The following ZZZ3 variants were observed in gnomAD, a reference collection of about 807,000 sequenced individuals.
ZZZ3 encodes the protein zinc finger ZZ-type containing 3.
ZZZ3 carries 22 observed loss-of-function variants against 95.2 expected under a neutral mutation model. The observed-to-expected ratio is 0.23, with a 90% CI of 0.17 to 0.33. The LOEUF (loss-of-function observed/expected upper bound fraction) is 0.33, where lower values mean the gene tolerates loss of function less well. Among genes scored for constraint, ZZZ3 ranks in the 10% least tolerant of loss-of-function variants. The probability of loss-of-function intolerance (pLI) is 1.00; values close to 1 mark genes in which losing one functional copy is unlikely to be tolerated. For missense variants in ZZZ3, 885 were observed against 1,066.5 expected (o/e 0.83, Z 2.37); for synonymous variants, 335 against 358.9 (o/e 0.93, Z 0.75).
chr1:77,647,713 A>G (rs1669417953), intron 1 of ZZZ3, among the ~76,000 whole-genome samples: 1 of 152,298 alleles, frequency 6.6e-6, no homozygotes, highest in East Asian at 1.9e-4. Context: ...ACTTCCTGAT[A>G]TTTTAACAAT....
At position 77,657,775 on chromosome 1, in the gene ZZZ3, G is replaced by A. The variant is rs1444372459; in HGVS notation, c.-402-16120C>T. On this transcript the variant is annotated intron_variant, in intron 1 of 14. Coordinates refer to ENST00000370801, the MANE Select transcript of ZZZ3 (RefSeq NM_015534.6). ...TGTTAAATTATTTAACAAGCATATA[G>A]TATCCAATAAATGTTAAATGAATGG... Among the ~76,000 whole-genome samples, 9 of 152,230 alleles carry A rather than the reference G, an allele frequency of 5.9e-5. No homozygotes were observed. In the East Asian group the frequency reaches 1.7e-3, roughly 29 times the overall value.
chr1:77,576,786 A>T (rs1197018998), intron 11 of ZZZ3, among the ~76,000 whole-genome samples: 1 of 141,202 alleles, frequency 7.1e-6, no homozygotes, highest in Non-Finnish European at 1.6e-5. Context: ...ACAACAAAAA[A>T]AAAATTTCTT....
chr1:77,659,639 C>T (rs1181028575), intron 1 of ZZZ3, among the ~76,000 whole-genome samples: 3 of 148,838 alleles, frequency 2.0e-5, no homozygotes, highest in East Asian at 2.0e-4. Context: ...GCCGAGATCA[C>T]GCCACGGCAC....
intron 5 of ZZZ3, among the ~76,000 whole-genome samples, chr1:77,611,564 G>A (rs562342585): frequency 8.8e-4 from 133 of 151,758 alleles, no homozygotes; most frequent in African/African-American, 3.0e-3. Context: ...ACCCAAAGCC[G>A]GAAGCATCAC....
At chr1:77,651,295 G>A (rs1189964798) in intron 1 of ZZZ3, among the ~76,000 whole-genome samples, 1 of 152,124 alleles carries the variant, frequency 6.6e-6, no homozygotes. Context: ...TGAGGTGGGA[G>A]GATCACTTGA....
At chr1:77,598,226 T>C (rs1373274012) in intron 5 of ZZZ3, among the ~76,000 whole-genome samples, 1 of 152,178 alleles carries the variant, frequency 6.6e-6, no homozygotes, top group Non-Finnish European at 1.5e-5. Flanking sequence ...CTATAATACA[T>C]ACTATATTCT....
chr1:77,568,318 T>C lies in ZZZ3; in HGVS notation c.2466+14A>G, dbSNP rs1661026029. ...AATAAAATGAAATGAATCCTAAAAT[T>C]AAATAGAACTTACCTTAAAGCCCAC... On this transcript the variant is annotated intron_variant, in intron 13 of 14. Transcript: ENST00000370801. 1.3e-6 allele frequency: 2 copies of C among 1,561,108 alleles called. No homozygotes were observed. Among genetic ancestry groups the C allele is most frequent in the East Asian group, 4.6e-5 (2 of 43,484 alleles).
intron 1 of ZZZ3, among the ~76,000 whole-genome samples, chr1:77,650,489 A>T (rs1669701455): frequency 6.6e-6 from 1 of 152,180 alleles, no homozygotes; most frequent in Non-Finnish European, 1.5e-5. Context: ...CCTGGAAATA[A>T]ATAACATGCT....
intron 5 of ZZZ3, among the ~76,000 whole-genome samples, chr1:77,590,365 G>A (rs967108758): frequency 2.0e-5 from 3 of 152,180 alleles, no homozygotes; most frequent in Non-Finnish European, 4.4e-5. Context: ...GACAGAGCAA[G>A]ACTCCGTCTC....
chr1:77,679,957 C>T (rs1462715339), intron 1 of ZZZ3, among the ~76,000 whole-genome samples: 1 of 152,146 alleles, frequency 6.6e-6, no homozygotes, highest in Non-Finnish European at 1.5e-5. Flanking sequence ...GAACAAGGAA[C>T]ATATATTATT....
intron 5 of ZZZ3, among the ~76,000 whole-genome samples, chr1:77,598,266 T>A (rs533308540): frequency 6.6e-6 from 1 of 152,242 alleles, no homozygotes; most frequent in East Asian, 1.9e-4. Context: ...GAACAGAATA[T>A]GTTATTCAGA....
intron 1 of ZZZ3, among the ~76,000 whole-genome samples, chr1:77,666,252 G>A (rs774152128): frequency 6.6e-6 from 1 of 152,172 alleles, no homozygotes; most frequent in Non-Finnish European, 1.5e-5. Flanking sequence ...CATGCATTCT[G>A]GCACGTTGGC....
intron 13 of ZZZ3, 136 bp from the exon 14 acceptor site, chr1:77,566,317 C>A (rs1660824530): frequency 2.0e-6 from 1 of 510,652 alleles, no homozygotes; most frequent in Non-Finnish European, 3.4e-6. Flanking sequence ...ATATAACACA[C>A]AAATGGTTAT....
At chr1:77,568,557 A>G in intron 12 of ZZZ3, 91 bp from the exon 13 acceptor site, 1 of 683,198 alleles carries the variant, frequency 1.5e-6, no homozygotes, top group East Asian at 3.5e-5. Context: ...TTTTCTACTG[A>G]TATTTTTCAT....
At chr1:77,633,793 C>G (rs1298927624) in intron 4 of ZZZ3, among the ~76,000 whole-genome samples, 1 of 152,196 alleles carries the variant, frequency 6.6e-6, no homozygotes, top group Non-Finnish European at 1.5e-5. Context: ...GAGACCATAA[C>G]TGCCTCACTG....
chr1:77,582,510 T>C (rs1251549308), intron 6 of ZZZ3, among the ~76,000 whole-genome samples: 3 of 152,088 alleles, frequency 2.0e-5, no homozygotes, highest in Non-Finnish European at 4.4e-5. Context: ...AACAAACAAG[T>C]TACCAGTCAA....
intron 1 of ZZZ3, among the ~76,000 whole-genome samples, chr1:77,643,033 G>A (rs186758112): frequency 6.6e-6 from 1 of 152,210 alleles, no homozygotes; most frequent in East Asian, 1.9e-4. Context: ...GCAACAAAGT[G>A]AGGCCTCATC....
At chr1:77,601,612 AC>A (rs978315752) in intron 5 of ZZZ3, among the ~76,000 whole-genome samples, 2 of 152,184 alleles carry the variant, frequency 1.3e-5, no homozygotes, top group African/African-American at 4.8e-5. Flanking sequence ...AAGGGATAGG[AC>A]CCAATTCACT....
intron 12 of ZZZ3, among the ~76,000 whole-genome samples, chr1:77,570,216 C>T (rs1661240534): frequency 6.6e-6 from 1 of 152,188 alleles, no homozygotes; most frequent in African/African-American, 2.4e-5. Context: ...CATTCTCCTG[C>T]CCCAGCCTCC....
Sources: allele counts gnomAD v4.1 joint callset (sites outside exome capture counted in the v4.1 genomes callset), GRCh38; gene constraint gnomAD v4.1.1; transcripts MANE v1.5; gene names NCBI Gene and HGNC (gene_info 2026-07-23, HGNC 2026-07-21).